The following SLC22A14 variants were observed in gnomAD, a reference collection of about 807,000 sequenced individuals.
The protein encoded by SLC22A14 is solute carrier family 22 member 14, also known as organic cation transporter-like 4.
SLC22A14 carries 50 observed loss-of-function variants against 53.9 expected under a neutral mutation model. That is an observed-to-expected ratio of 0.93 (90% CI 0.74 to 1.17). The LOEUF (loss-of-function observed/expected upper bound fraction) is 1.17, where lower values mean the gene tolerates loss of function less well. Among genes scored for constraint, SLC22A14 ranks in the 50% most tolerant of loss-of-function variants. The pLI, the probability that SLC22A14 is intolerant of heterozygous loss-of-function variation, is 0.00. For synonymous variants in SLC22A14, 312 were observed against 303.0 expected (o/e 1.03, Z -0.31); for missense variants, 671 against 734.7 (o/e 0.91, Z 1.00).
chr3:38,301,086 T>C (rs1419080547), intron 1 of SLC22A14, among the ~76,000 whole-genome samples: 1 of 152,182 alleles, frequency 6.6e-6, no homozygotes, highest in Non-Finnish European at 1.5e-5. Flanking sequence ...CCCCAAATGC[T>C]GGGATTACAG....
chr3:38,306,369 C>G lies in SLC22A14; in HGVS notation c.343C>G (p.Gln115Glu). The stretch of plus-strand genomic sequence containing the variant: ...GGGCCCCCACCTGTCCAAAGCTGAG[C>G]AGCTGAATCTGACCATACCCCAAGC... ...AVGPHLSKAE[Q>E]LNLTIPQAPN... The change falls in exon 2 of 11, where the codon CAG becomes GAG. Residue 115 changes from glutamine to glutamate, a missense_variant. Physicochemically the swap from Gln to Glu is conservative, Grantham distance 29. Coordinates refer to ENST00000448498, the MANE Select transcript of SLC22A14 (RefSeq NM_001320033.2). 1 of 1,614,208 alleles carries G rather than the reference C, an allele frequency of 6.2e-7. No individual in the cohort carries two copies. Among genetic ancestry groups the G allele is most frequent in the Non-Finnish European group, 8.5e-7 (1 of 1,180,036 alleles).
intron 5 of SLC22A14, among the ~76,000 whole-genome samples, chr3:38,309,359 GA>G (rs1704406539): frequency 6.6e-6 from 1 of 152,164 alleles, no homozygotes; most frequent in Admixed American, 6.5e-5. Context: ...AGAAAACCAG[GA>G]GGAAGAGTGT....
intron 5 of SLC22A14, 65 bp from the exon 6 acceptor site, chr3:38,312,934 G>A: frequency 6.4e-7 from 1 of 1,554,040 alleles, no homozygotes; most frequent in Non-Finnish European, 8.7e-7. Context: ...GAGGCCACGA[G>A]AGGGCCAGCA....
chr3:38,318,431 A>G lies in SLC22A14; in HGVS notation c.*182A>G. On this transcript the variant is annotated 3_prime_UTR_variant, in exon 11 of 11. Coordinates refer to ENST00000448498, the MANE Select transcript of SLC22A14 (RefSeq NM_001320033.2). ...GGCCAAGTATGGGGTCATGGATTCC[A>G]GGCCACAAATTCCAGGCCTAGTTCA... 1.6e-6 allele frequency: 1 copy of G among 619,702 alleles called. No homozygotes were observed. Among genetic ancestry groups the G allele is most frequent in the Non-Finnish European group, 2.9e-6 (1 of 341,996 alleles). 38.4% of individuals were successfully genotyped at this position (619,702 alleles called of 1,614,324 possible).
At chr3:38,313,547 G>A (rs1704532859) in intron 7 of SLC22A14, 62 bp downstream of exon 7, 1 of 1,249,700 alleles carries the variant, frequency 8.0e-7, no homozygotes, top group Non-Finnish European at 1.2e-6. Context: ...AAACTCTAGG[G>A]AGAGGATGGG....
Position 38,307,473 on chromosome 3 carries a change from C to A in SLC22A14, c.621-93C>A, listed in dbSNP as rs1704339505. 3 of 1,567,492 alleles carry A rather than the reference C, an allele frequency of 1.9e-6. No homozygotes were observed. The highest frequency in any genetic ancestry group is 2.7e-5 in the African/African-American group (2 of 73,904). On this transcript the variant is annotated intron_variant, in intron 3 of 10. Coordinates refer to ENST00000448498, the MANE Select transcript of SLC22A14 (RefSeq NM_001320033.2). This position sits in a 1 kb window ranked among gnomAD's most constrained non-coding sequence, Gnocchi z 4.4. Reference sequence around the variant, plus strand: ...TGAGGGTAGGGGTTCTCCAGGGACCCATGGATGGCTCAGGGCCTGGCCCAG... The same window carrying A: ...TGAGGGTAGGGGTTCTCCAGGGACCAATGGATGGCTCAGGGCCTGGCCCAG...
intron 4 of SLC22A14, among the ~76,000 whole-genome samples, chr3:38,308,352 G>C (rs2125887562): frequency 6.6e-6 from 1 of 152,338 alleles, no homozygotes; most frequent in Middle Eastern, 3.4e-3. Flanking sequence ...GTCTTCAGCA[G>C]GCACTATTCT....
intron 1 of SLC22A14, among the ~76,000 whole-genome samples, chr3:38,296,145 G>A (rs1704032104): frequency 6.6e-6 from 1 of 152,254 alleles, no homozygotes; most frequent in South Asian, 2.1e-4. Context: ...TGGGACCCAG[G>A]AGGTATGAGT....
intron 6 of SLC22A14, 59 bp from the exon 7 acceptor site, chr3:38,313,329 G>A (rs1463220943): frequency 3.5e-6 from 5 of 1,442,008 alleles, no homozygotes; most frequent in Non-Finnish European, 4.9e-6. Flanking sequence ...GGTGCTGTGG[G>A]GCTGGGGAGC....
intron 9 of SLC22A14, 81 bp downstream of exon 9, chr3:38,315,792 A>G (rs1473508574): frequency 7.1e-7 from 1 of 1,399,732 alleles, no homozygotes; most frequent in Non-Finnish European, 9.9e-7. Flanking sequence ...CAACTAAGAC[A>G]AGCATTCACC....
intron 1 of SLC22A14, among the ~76,000 whole-genome samples, chr3:38,303,326 T>C (rs1704214545): frequency 6.6e-6 from 1 of 152,182 alleles, no homozygotes; most frequent in Admixed American, 6.5e-5. Flanking sequence ...GTTTAGTTGA[T>C]TAATTTTCAG....
chr3:38,312,278 G>A (rs1476227901), intron 5 of SLC22A14, among the ~76,000 whole-genome samples: 2 of 152,208 alleles, frequency 1.3e-5, no homozygotes, highest in Non-Finnish European at 2.9e-5. Flanking sequence ...GGAGTAAAAT[G>A]GGGATAATCA....
At chr3:38,301,871 G>C (rs1704167471) in intron 1 of SLC22A14, among the ~76,000 whole-genome samples, 2 of 151,008 alleles carry the variant, frequency 1.3e-5, no homozygotes, top group Admixed American at 1.3e-4. Flanking sequence ...CTATAAACAT[G>C]ATCATATGGT....
intron 1 of SLC22A14, among the ~76,000 whole-genome samples, chr3:38,289,482 A>C (rs1008733241): frequency 1.3e-5 from 2 of 152,132 alleles, no homozygotes; most frequent in Admixed American, 6.5e-5. Context: ...CCAAGATGGC[A>C]GCAAGCCTCT....
At chr3:38,302,301 C>CATATATATTTAT (rs1553643423) in intron 1 of SLC22A14, among the ~76,000 whole-genome samples, 121 of 129,386 alleles carry the variant, frequency 9.4e-4, no homozygotes, top group Admixed American at 1.9e-3. Flanking sequence ...TATATATACA[C>CATATATATTTAT]ATATATATTT....
intron 1 of SLC22A14, among the ~76,000 whole-genome samples, chr3:38,286,114 C>T (rs183031278): frequency 1.9e-4 from 29 of 152,186 alleles, no homozygotes; most frequent in Non-Finnish European, 2.6e-4. Context: ...TGGTGGTGCG[C>T]GCCTGTAATC....
chr3:38,313,802 C>A lies in SLC22A14; in HGVS notation c.1239C>A (p.His413Gln). 10 of 1,613,202 alleles carry A rather than the reference C, an allele frequency of 6.2e-6. No homozygotes were observed. Among genetic ancestry groups the A allele is most frequent in the Non-Finnish European group, 8.5e-6 (10 of 1,179,626 alleles). Reference protein sequence around the residue: ...RELGVSVHFRHVVPSIMEVPA... With the variant: ...RELGVSVHFRQVVPSIMEVPA... ...TGGGCGTGAGCGTCCACTTCAGACA[C>A]GTGGTCCCCAGCATCATGGAGGTGC... Residue 413 changes from histidine to glutamine, a missense_variant, in exon 8 of 11, where the codon CAC becomes CAA. Coordinates refer to ENST00000448498, the MANE Select transcript of SLC22A14 (RefSeq NM_001320033.2).
At chr3:38,300,713 A>G (rs1704140266) in intron 1 of SLC22A14, among the ~76,000 whole-genome samples, 1 of 152,222 alleles carries the variant, frequency 6.6e-6, no homozygotes, top group African/African-American at 2.4e-5. Context: ...CAGTGCTTTC[A>G]TGATTTAACT....
intron 1 of SLC22A14, among the ~76,000 whole-genome samples, chr3:38,285,823 G>T (rs910651530): frequency 6.6e-6 from 1 of 152,192 alleles, no homozygotes; most frequent in Admixed American, 6.5e-5. Flanking sequence ...GGGTCATAAG[G>T]TATACAGGTA....
Sources: allele counts gnomAD v4.1 joint callset (sites outside exome capture counted in the v4.1 genomes callset), GRCh38; gene constraint gnomAD v4.1.1; non-coding constraint Gnocchi (gnomAD v3.1); transcripts MANE v1.5; gene names NCBI Gene and HGNC (gene_info 2026-07-23, HGNC 2026-07-21).